The following LOXL1 variants were observed in gnomAD, a reference collection of about 807,000 sequenced individuals.
LOXL1 encodes lysyl oxidase like 1.
In LOXL1, 31 loss-of-function variants were observed where a neutral mutation model predicts 62.2. The observed-to-expected ratio is 0.50, with a 90% CI of 0.37 to 0.67. LOXL1 has a LOEUF of 0.67. Ranked by LOEUF, LOXL1 falls within the 30% of genes least tolerant of loss-of-function variation. The pLI is 0.00. For synonymous variants in LOXL1, 403 were observed against 384.4 expected, an observed-to-expected ratio of 1.05 and a Z score of -0.56; for missense variants, 775 against 843.4, an observed-to-expected ratio of 0.92 and a Z score of 1.00.
intron 1 of LOXL1, among the ~76,000 whole-genome samples, chr15:73,933,037 C>T (rs2068646289): frequency 6.6e-6 from 1 of 152,218 alleles, no homozygotes; most frequent in Non-Finnish European, 1.5e-5. Flanking sequence ...TTGCAAGGCA[C>T]CTTCTCTCTC....
intron 5 of LOXL1, among the ~76,000 whole-genome samples, chr15:73,948,707 C>G (rs1567090173): frequency 6.6e-6 from 1 of 152,220 alleles, no homozygotes; most frequent in Non-Finnish European, 1.5e-5. Context: ...TCCAAGCTTG[C>G]TCCTCCAGGG....
At chr15:73,931,789 G>A (rs1355080171) in intron 1 of LOXL1, among the ~76,000 whole-genome samples, 2 of 152,146 alleles carry the variant, frequency 1.3e-5, no homozygotes, top group Non-Finnish European at 2.9e-5. Context: ...CAGGTCACTC[G>A]CCTTCCCCTG....
chr15:73,932,868 A>G (rs529359525), intron 1 of LOXL1, among the ~76,000 whole-genome samples: 1 of 152,292 alleles, frequency 6.6e-6, no homozygotes, highest in African/African-American at 2.4e-5. Context: ...AGGCTTAGAA[A>G]GCTGTGTCGG....
intron 1 of LOXL1, among the ~76,000 whole-genome samples, chr15:73,935,034 A>G (rs1306125098): frequency 6.6e-6 from 1 of 152,214 alleles, no homozygotes; most frequent in Non-Finnish European, 1.5e-5. Context: ...ATGGAGGTAT[A>G]ACAGGGGACA....
Position 73,930,122 on chromosome 15 carries a change from A to G in LOXL1, c.1102+2237A>G, listed in dbSNP as rs1270446867. 1.3e-5 allele frequency among the ~76,000 whole-genome samples: 2 copies of G among 152,198 alleles called. No homozygotes were observed. Among genetic ancestry groups the G allele is most frequent in the East Asian group, 3.9e-4 (2 of 5,194 alleles). ...TGCCAAGCTGAGTGTACTCACATGC[A>G]TCAAGTCCAGGCCCTTCCCTGGGGC... is the stretch of plus-strand genomic sequence containing the variant. On this transcript the variant is annotated intron_variant, in intron 1 of 6. Transcript: ENST00000261921. This position sits in a 1 kb window ranked among gnomAD's most constrained non-coding sequence, Gnocchi z 4.7.
Position 73,927,078 on chromosome 15 carries a change from T to TC in LOXL1, c.298dup (p.Leu100ProfsTer193). 1 of 1,308,854 alleles carries TC rather than the reference T, an allele frequency of 7.6e-7. No homozygotes were observed. Among genetic ancestry groups the TC allele is most frequent in the Non-Finnish European group, 9.8e-7 (1 of 1,024,506 alleles). The allele number at this position is 1,308,854 out of a possible 1,614,324, so 81.1% of individuals were successfully genotyped here. A position where few individuals can be genotyped will look rare whatever the true frequency, so the allele number is the denominator to read the frequency against. ...GAGCCCCCGGCGTCGGCAGGCGCCG[T>TC]CCCTGCCCCTGCCGGGGCGCGTGGG... is the stretch of plus-strand genomic sequence containing the variant. On this transcript the variant is annotated frameshift_variant, in exon 1 of 7. Coordinates refer to ENST00000261921, the MANE Select transcript of LOXL1 (RefSeq NM_005576.4). LOFTEE classifies it high-confidence loss of function.
intron 1 of LOXL1, among the ~76,000 whole-genome samples, chr15:73,938,087 G>A (rs1274888787): frequency 6.6e-6 from 1 of 152,170 alleles, no homozygotes; most frequent in Non-Finnish European, 1.5e-5. Flanking sequence ...AGGAGTTCGA[G>A]ACCAGGCTGG....
chr15:73,949,705 C>T, intron 6 of LOXL1, 131 bp downstream of exon 6: 1 of 664,764 alleles, frequency 1.5e-6, no homozygotes, highest in East Asian at 2.7e-5. Flanking sequence ...GCAGCAGGGC[C>T]CATCAAAAAG....
At chr15:73,928,536 T>C (rs1170093426) in intron 1 of LOXL1, among the ~76,000 whole-genome samples, 1 of 142,084 alleles carries the variant, frequency 7.0e-6, no homozygotes, top group Non-Finnish European at 1.5e-5. Flanking sequence ...TTTCAGGGGC[T>C]ACCAAAAAAC....
In LOXL1 at chr15:73,946,395, ATCTC is replaced by A; in HGVS notation, c.1212-21_1212-18del. The A allele has an allele frequency of 7.6e-7, 1 of 1,323,210 alleles. No homozygotes were observed. The allele number at this position is 1,323,210 out of a possible 1,614,324, so 82.0% of individuals were successfully genotyped here. On this transcript the variant is annotated intron_variant, in intron 2 of 6. Transcript: ENST00000261921. ...TGTCACTGTGCCCCAACCCCCCCTCATCTCCCCCGCCGTCCCTGCAGCACAGCCT... is the reference window on the plus strand; with the variant it reads ...TGTCACTGTGCCCCAACCCCCCCTCACCCCGCCGTCCCTGCAGCACAGCCT...
In LOXL1 at chr15:73,950,804, C is replaced by T. The variant is rs542263219; in HGVS notation, c.1719-1027C>T. Among the ~76,000 whole-genome samples, 23 of 152,330 alleles carry T rather than the reference C, an allele frequency of 1.5e-4. No homozygotes were observed. The South Asian group carries it at 4.3e-3, about 29-fold the overall frequency. On this transcript the variant is annotated intron_variant, in intron 6 of 6. Coordinates refer to ENST00000261921, the MANE Select transcript of LOXL1 (RefSeq NM_005576.4). ...ACAGCCCTCTCACACTTGGTTGCTA[C>T]CATCAACCTAACTGTTCACAGCATG...
At chr15:73,928,299 G>A (rs572318194) in intron 1 of LOXL1, 25 of 165,878 alleles carry the variant, frequency 1.5e-4, no homozygotes, top group Non-Finnish European at 2.4e-4. Context: ...CAGCTCACAG[G>A]GTGAGGCAAG....
chr15:73,949,611 C>G, intron 6 of LOXL1, 37 bp downstream of exon 6: 1 of 1,454,516 alleles, frequency 6.9e-7, no homozygotes, highest in Non-Finnish European at 9.6e-7. Context: ...GGCTCCGTCC[C>G]TTTCCTGCCT....
chr15:73,936,933 ATC>A (rs2068677543), intron 1 of LOXL1, among the ~76,000 whole-genome samples: 1 of 152,242 alleles, frequency 6.6e-6, no homozygotes, highest in Non-Finnish European at 1.5e-5. Flanking sequence ...AAGTATTTTA[ATC>A]TCCAAGTGTT....
chr15:73,940,515 A>C (rs2068706673), intron 1 of LOXL1, among the ~76,000 whole-genome samples: 1 of 151,818 alleles, frequency 6.6e-6, no homozygotes. Context: ...AACAGAAATG[A>C]GACTGAGATT....
chr15:73,951,086 G>A (rs554621764), intron 6 of LOXL1, among the ~76,000 whole-genome samples: 1 of 152,318 alleles, frequency 6.6e-6, no homozygotes, highest in Non-Finnish European at 1.5e-5. Flanking sequence ...TCTAGGGAAG[G>A]AGGAGGAAGG....
In LOXL1 at chr15:73,945,373, C is replaced by T. The variant is rs1716434694; in HGVS notation, c.1212-1044C>T. 6.6e-6 allele frequency among the ~76,000 whole-genome samples: 1 copy of T among 152,216 alleles called. No individual in the cohort carries two copies. Among genetic ancestry groups the T allele is most frequent in the African/African-American group, 2.4e-5 (1 of 41,448 alleles). ...TTAGAGCTCACAGGCAATCCGGATCCTCTATGTAGAGCAATCAGGGCAGAC... is the reference window on the plus strand; with the variant it reads ...TTAGAGCTCACAGGCAATCCGGATCTTCTATGTAGAGCAATCAGGGCAGAC... On this transcript the variant is annotated intron_variant, in intron 2 of 6. Coordinates refer to ENST00000261921, the MANE Select transcript of LOXL1 (RefSeq NM_005576.4). The surrounding 1 kb of genome is among the most constrained non-coding windows in gnomAD (Gnocchi z 4.3).
intron 3 of LOXL1, 44 bp downstream of exon 3, chr15:73,946,598 T>C: frequency 1.9e-6 from 3 of 1,565,880 alleles, no homozygotes; most frequent in Non-Finnish European, 2.6e-6. Context: ...ACTTCTCCTC[T>C]GGGCCAGGGA....
rs889270063 is a variant in LOXL1 at position 73,930,755 on chromosome 15, C to T, written c.1102+2870C>T. 6.6e-6 allele frequency among the ~76,000 whole-genome samples: 1 copy of T among 152,180 alleles called. No homozygotes were observed. Among genetic ancestry groups the T allele is most frequent in the African/African-American group, 2.4e-5 (1 of 41,440 alleles). ...AGTTTCTTCCTCGGGTACCTGTGCCCTCTTCCTTCCTACCCTGGGCACTGA... is the reference window on the plus strand; with the variant it reads ...AGTTTCTTCCTCGGGTACCTGTGCCTTCTTCCTTCCTACCCTGGGCACTGA... On this transcript the variant is annotated intron_variant, in intron 1 of 6. Transcript: ENST00000261921. This position sits in a 1 kb window ranked among gnomAD's most constrained non-coding sequence, Gnocchi z 4.7.
Sources: allele counts gnomAD v4.1 joint callset (sites outside exome capture counted in the v4.1 genomes callset), GRCh38; gene constraint gnomAD v4.1.1; non-coding constraint Gnocchi (gnomAD v3.1); transcripts MANE v1.5; gene names NCBI Gene and HGNC (gene_info 2026-07-23, HGNC 2026-07-21).